The following PSD4 variants were observed in gnomAD, a reference collection of about 807,000 sequenced individuals.
PSD4 encodes PH and SEC7 domain-containing protein 4.
Under a neutral mutation model 112.5 loss-of-function variants are expected in PSD4, and 59 were observed. The observed-to-expected ratio is 0.52, with a 90% CI of 0.43 to 0.65. PSD4 has a LOEUF of 0.65. Ranked by LOEUF, PSD4 falls within the 30% of genes least tolerant of loss-of-function variation. The pLI is 0.00. For synonymous variants in PSD4, 533 were observed against 540.0 expected (o/e 0.99, Z 0.18); for missense variants, 1,267 against 1,352.6 (o/e 0.94, Z 0.99).
chr2:113,197,430 G>C, intron 12 of PSD4, 134 bp from the exon 13 acceptor site: 1 of 867,160 alleles, frequency 1.2e-6, no homozygotes. Flanking sequence ...GGCATGTTCT[G>C]CATTTGTGTG....
At chr2:113,179,327 G>C (rs1688061617) in intron 1 of PSD4, among the ~76,000 whole-genome samples, 1 of 152,174 alleles carries the variant, frequency 6.6e-6, no homozygotes, top group Non-Finnish European at 1.5e-5. Flanking sequence ...TCCTCTGCCT[G>C]TTACCTGGAG....
Position 113,183,157 on chromosome 2 carries a change from C to T in PSD4, c.701C>T (p.Ser234Phe). 1 of 1,614,180 alleles carries T rather than the reference C, an allele frequency of 6.2e-7. No homozygotes were observed. Among genetic ancestry groups the T allele is most frequent in the South Asian group, 1.1e-5 (1 of 91,082 alleles). The part of the protein sequence containing the change: ...AWLREGTPDS[S>F]PQWGAEEESM... ...CTGAGAGAGGGAACCCCAGACTCTT[C>T]CCCACAGTGGGGAGCTGAGGAGGAG... The change falls in exon 2 of 17, where the codon TCC (serine) becomes TTC (phenylalanine). Residue 234 changes from serine to phenylalanine, a missense_variant. Transcript: ENST00000245796.
Position 113,182,462 on chromosome 2 carries a change from G to A in PSD4, c.6G>A (p.Met2Ile). Residue 2 changes from methionine (M) to isoleucine (I), a missense_variant, in exon 2 of 17, where the codon ATG (methionine) becomes ATA (isoleucine). Physicochemically the swap from Met to Ile is conservative, Grantham distance 10 (BLOSUM62 1). Coordinates refer to ENST00000245796, the MANE Select transcript of PSD4 (RefSeq NM_012455.3). Reference sequence around the variant, plus strand: ...GGGCAGCTTTTGCTCAGTGGATGATGGGTGACTACAGACTCCCTGACCACC... The same window carrying A: ...GGGCAGCTTTTGCTCAGTGGATGATAGGTGACTACAGACTCCCTGACCACC... M[M>I]GDYRLPDHPQ... 6.2e-7 allele frequency: 1 copy of A among 1,606,118 alleles called. No individual in the cohort carries two copies. Among genetic ancestry groups the A allele is most frequent in the East Asian group, 2.2e-5 (1 of 44,724 alleles).
At chr2:113,185,103 T>G (rs777778381) in intron 3 of PSD4, 30 bp downstream of exon 3, 1 of 1,613,826 alleles carries the variant, frequency 6.2e-7, no homozygotes, top group South Asian at 1.1e-5. Flanking sequence ...TGGGCCTTAC[T>G]TTCTCCATCT....
At chr2:113,197,969 T>C in intron 14 of PSD4, 56 bp downstream of exon 14, 1 of 1,465,406 alleles carries the variant, frequency 6.8e-7, no homozygotes, top group Admixed American at 2.5e-5. Flanking sequence ...TAGTTCTCTC[T>C]CCCCTGACCC....
intron 1 of PSD4, chr2:113,175,122 G>A (rs1386105711): frequency 6.6e-6 from 1 of 152,498 alleles, no homozygotes; most frequent in African/African-American, 2.4e-5. Context: ...GGTGAGGGAT[G>A]TGGGGTGAGA....
intron 1 of PSD4, among the ~76,000 whole-genome samples, chr2:113,175,587 C>T (rs2104487892): frequency 6.6e-6 from 1 of 152,288 alleles, no homozygotes; most frequent in East Asian, 1.9e-4. Context: ...CAGGTCACCT[C>T]CTAAGTCCTT....
intron 16 of PSD4, among the ~76,000 whole-genome samples, chr2:113,199,817 TG>T (rs1688723866): frequency 6.6e-6 from 1 of 152,016 alleles, no homozygotes; most frequent in South Asian, 2.1e-4. Context: ...GAAATGACCG[TG>T]TTTTTTTGTT....
Position 113,201,781 on chromosome 2 carries a change from G to A in PSD4, c.*366G>A, listed in dbSNP as rs45540547. Reference sequence around the variant, plus strand: ...TGCTGAGAACTCAGCACTTGTTTGAGAACCAGTGCTTATGTGGTGTGCCCT... The same window carrying A: ...TGCTGAGAACTCAGCACTTGTTTGAAAACCAGTGCTTATGTGGTGTGCCCT... On this transcript the variant is annotated 3_prime_UTR_variant, in exon 17 of 17. Transcript: ENST00000245796. 3.2e-3 allele frequency: 882 copies of A among 275,954 alleles called. 7 individuals carry two copies. The highest frequency in any genetic ancestry group is 0.018 in the African/African-American group (813 of 45,562). The allele number at this position is 275,954 out of a possible 1,614,324, so 17.1% of individuals were successfully genotyped here.
chr2:113,185,493 T>G, intron 4 of PSD4, 53 bp downstream of exon 4: 1 of 1,613,506 alleles, frequency 6.2e-7, no homozygotes, highest in Non-Finnish European at 8.5e-7. Flanking sequence ...GATTTGGAAT[T>G]TGGAGTGGGG....
Position 113,193,086 on chromosome 2 carries a change from C to T in PSD4, c.1877C>T (p.Ser626Phe), listed in dbSNP as rs372018320. The T allele has an allele frequency of 9.3e-6, 15 of 1,614,094 alleles. No homozygotes were observed. The highest frequency in any genetic ancestry group is 1.2e-5 in the Non-Finnish European group (14 of 1,180,014). ...FSRAVAEEYL[S>F]FFQFGGQSLD... Reference sequence around the variant, plus strand: ...AGGGCTGTGGCTGAGGAGTACCTGTCCTTCTTCCAGTTTGGAGGCCAGAGT... The same window carrying T: ...AGGGCTGTGGCTGAGGAGTACCTGTTCTTCTTCCAGTTTGGAGGCCAGAGT... The change falls in exon 7 of 17, where the codon TCC becomes TTC. Residue 626 changes from serine to phenylalanine, a missense_variant. By Grantham distance (155) the Ser-to-Phe change is radical (BLOSUM62 -2). This residue lies in a region of PSD4 where 544 missense variants were observed against 648.6 expected (regional missense o/e 0.84). Transcript: ENST00000245796.
chr2:113,177,099 G>A (rs140716185), intron 1 of PSD4, among the ~76,000 whole-genome samples: 2 of 152,326 alleles, frequency 1.3e-5, no homozygotes, highest in Non-Finnish European at 2.9e-5. Flanking sequence ...TTGCTGCCTG[G>A]GAGCCAAGAC....
At position 113,183,289 on chromosome 2, in the gene PSD4, G is replaced by T; in HGVS notation, c.833G>T (p.Arg278Met). ...GCTTCAGACTCCCATGCAGGTGTGA[G>T]GACTGGACCTGAGAGCCCAGCGACT... ...WGASDSHAGV[R>M]TGPESPATLE... is the part of the protein sequence containing the mutation. Residue 278 changes from arginine (R) to methionine (M), a missense_variant, in exon 2 of 17, where the codon AGG (arginine) becomes ATG (methionine). Physicochemically the swap from Arg to Met is moderately conservative, Grantham distance 91. Transcript: ENST00000245796. 1.2e-6 allele frequency: 2 copies of T among 1,613,780 alleles called. No homozygotes were observed. The highest frequency in any genetic ancestry group is 4.5e-5 in the East Asian group (2 of 44,874).
At chr2:113,198,715 G>C (rs376691409) in intron 14 of PSD4, 25 bp from the exon 15 acceptor site, 56 of 1,518,144 alleles carry the variant, frequency 3.7e-5, no homozygotes, top group Non-Finnish European at 4.3e-5. Flanking sequence ...GTGTCCCCGG[G>C]GACCAACGAC....
intron 10 of PSD4, among the ~76,000 whole-genome samples, chr2:113,195,272 T>C (rs1279178391): frequency 6.6e-6 from 1 of 152,034 alleles, no homozygotes; most frequent in Non-Finnish European, 1.5e-5. Context: ...GCAATTCTCT[T>C]GCCTCAGCCT....
intron 4 of PSD4, 123 bp downstream of exon 4, chr2:113,185,563 G>A: frequency 1.9e-6 from 3 of 1,578,460 alleles, no homozygotes; most frequent in Non-Finnish European, 2.6e-6. Flanking sequence ...TTGTGTTTAA[G>A]CCAGACAGAC....
chr2:113,193,470 TG>T (rs1688513798), intron 8 of PSD4, 100 bp downstream of exon 8: 2 of 1,483,044 alleles, frequency 1.3e-6, no homozygotes, highest in East Asian at 4.5e-5. Context: ...GGGAGTGTGT[TG>T]GGGGCTGTGG....
Position 113,201,484 on chromosome 2 carries a change from G to A in PSD4, c.*69G>A, listed in dbSNP as rs1043717404. ...ACCTGAGATGAACCTCCCTGGAGGA[G>A]ACTTATTTCAATGAGTCCACCATGA... is the stretch of plus-strand genomic sequence containing the variant. On this transcript the variant is annotated 3_prime_UTR_variant, in exon 17 of 17. Transcript: ENST00000245796. 12 of 1,571,210 alleles carry A rather than the reference G, an allele frequency of 7.6e-6. No homozygotes were observed. In the African/African-American group the frequency reaches 1.6e-4, roughly 21 times the overall value.
In PSD4 at chr2:113,182,328, T is replaced by G; in HGVS notation, c.-111-18T>G. ...TGACAGCCCTTCCCTAACCTGCACT[T>G]GCTTTGGGCATTTCCAGGGTAGATA... is the stretch of plus-strand genomic sequence containing the variant. On this transcript the variant is annotated intron_variant, in intron 1 of 16. Coordinates refer to ENST00000245796, the MANE Select transcript of PSD4 (RefSeq NM_012455.3). 1.1e-6 allele frequency: 1 copy of G among 916,712 alleles called. No individual in the cohort carries two copies. The highest frequency in any genetic ancestry group is 1.7e-5 in the South Asian group (1 of 57,884). The allele number at this position is 916,712 out of a possible 1,614,324, so 56.8% of individuals were successfully genotyped here. A position where few individuals can be genotyped will look rare whatever the true frequency, so the allele number is the denominator to read the frequency against.
Sources: gnomAD v4.1 joint callset for allele counts (sites outside exome capture counted in the v4.1 genomes callset) on GRCh38, gnomAD v4.1.1 for gene constraint, gnomAD v4.1.1 regional missense constraint, MANE v1.5 for transcripts, NCBI Gene and HGNC (gene_info 2026-07-23, HGNC 2026-07-21) for gene names.